Variants in EEFSEC observed in about 807,000 individuals in gnomAD.
EEFSEC encodes the protein selenocysteine-specific elongation factor.
In EEFSEC, 43 loss-of-function variants were observed where a neutral mutation model predicts 42.1. The observed-to-expected ratio is 1.02, with a 90% CI of 0.80 to 1.32. The LOEUF (loss-of-function observed/expected upper bound fraction) is 1.32. EEFSEC is among the 40% of genes most tolerant of loss of function. The pLI is 0.00. For synonymous variants in EEFSEC, 354 were observed against 339.1 expected (o/e 1.04, Z -0.48); for missense variants, 745 against 803.6 (o/e 0.93, Z 0.88).
At chr3:128,425,773 G>A in the EEFSEC span, among the ~76,000 whole-genome samples, 1 of 152,204 alleles carries the variant, frequency 6.6e-6, no homozygotes, top group Non-Finnish European at 1.5e-5. Context: ...CTGGGGACAC[G>A]CGGGACCATC....
At chr3:128,420,509 A>G in the EEFSEC span, among the ~76,000 whole-genome samples, 1 of 152,136 alleles carries the variant, frequency 6.6e-6, no homozygotes, top group Admixed American at 6.5e-5. Flanking sequence ...CTGCTCAGAC[A>G]CAGGCCTCCA....
At chr3:128,186,657 G>A (rs2107797740) in intron 1 of EEFSEC, among the ~76,000 whole-genome samples, 1 of 152,226 alleles carries the variant, frequency 6.6e-6, no homozygotes, top group South Asian at 2.1e-4. Flanking sequence ...GGTTGTCCCA[G>A]TTTTTGTTAA....
chr3:128,186,474 G>C (rs956445424), intron 1 of EEFSEC, among the ~76,000 whole-genome samples: 15 of 152,286 alleles, frequency 9.8e-5, no homozygotes, highest in Non-Finnish European at 2.1e-4. Flanking sequence ...TGCTTTTGGT[G>C]TCATATCTAA....
intron 4 of EEFSEC, among the ~76,000 whole-genome samples, chr3:128,308,090 C>T (rs1052499585): frequency 3.3e-5 from 5 of 152,266 alleles, no homozygotes; most frequent in Admixed American, 1.3e-4. Context: ...ACATGCTCTG[C>T]GCCCACAGTT....
chr3:128,385,718 C>T (rs762322852), intron 6 of EEFSEC, among the ~76,000 whole-genome samples: 3 of 152,234 alleles, frequency 2.0e-5, no homozygotes, highest in African/African-American at 4.8e-5. Context: ...GGGCCTCACC[C>T]GGACTCACGA....
At chr3:128,337,072 G>A (rs2067197755) in intron 4 of EEFSEC, 1 of 152,210 alleles carries the variant, frequency 6.6e-6, no homozygotes, top group Non-Finnish European at 1.5e-5. Flanking sequence ...TAAAAGGAAA[G>A]CCTGTTTTTC....
chr3:128,222,129 G>A (rs930771748), intron 1 of EEFSEC, among the ~76,000 whole-genome samples: 1 of 151,434 alleles, frequency 6.6e-6, no homozygotes, highest in South Asian at 2.1e-4. Context: ...CCCCTCCGGG[G>A]TTCAAGCGAT....
rs185095021 is a variant in EEFSEC at position 128,376,423 on chromosome 3, G to A, written c.1600+18050G>A. Among the ~76,000 whole-genome samples, 19 of 152,252 alleles carry A rather than the reference G, an allele frequency of 1.2e-4. 2 individuals carry two copies. The highest frequency in any genetic ancestry group is 1.1e-3 in the Admixed American group (17 of 15,302). ...TTCCCAGGGCCCCGCAGCATTCTGG[G>A]CCAGCTTCGCTTCCTGAGCCCTCTG... On this transcript the variant is annotated intron_variant, in intron 6 of 6. Transcript: ENST00000254730.
intron 5 of EEFSEC, among the ~76,000 whole-genome samples, chr3:128,348,794 T>A (rs1378483308): frequency 1.3e-5 from 2 of 152,150 alleles, no homozygotes; most frequent in South Asian, 2.1e-4. Flanking sequence ...CTGGGTCCTG[T>A]CCCCAGGAGG....
chr3:128,335,376 T>C (rs1010890342), intron 4 of EEFSEC, among the ~76,000 whole-genome samples: 3 of 151,860 alleles, frequency 2.0e-5, no homozygotes, highest in Non-Finnish European at 4.4e-5. Context: ...GTGGGGTGAC[T>C]GAGGAGGGGC....
chr3:128,324,101 C>T (rs2067037719), intron 4 of EEFSEC, among the ~76,000 whole-genome samples: 1 of 152,194 alleles, frequency 6.6e-6, no homozygotes, highest in East Asian at 1.9e-4. Flanking sequence ...ACCTTGCATA[C>T]TCTTTGGTCT....
At chr3:128,217,065 T>C (rs866563002) in intron 1 of EEFSEC, among the ~76,000 whole-genome samples, 1 of 152,216 alleles carries the variant, frequency 6.6e-6, no homozygotes, top group South Asian at 2.1e-4. Context: ...ATCCCAATTT[T>C]GGAAAATAAC....
At chr3:128,218,720 A>G (rs1334228141) in intron 1 of EEFSEC, among the ~76,000 whole-genome samples, 2 of 152,240 alleles carry the variant, frequency 1.3e-5, no homozygotes, top group African/African-American at 4.8e-5. Context: ...CTAGTAAAGA[A>G]GCTGGACAAG....
At chr3:128,168,144 T>G (rs558888112) in intron 1 of EEFSEC, among the ~76,000 whole-genome samples, 1 of 152,156 alleles carries the variant, frequency 6.6e-6, no homozygotes, top group South Asian at 2.1e-4. Context: ...CCCCAGAGCT[T>G]GGGGATGGGG....
chr3:128,287,877 A>G (rs1384328483), intron 4 of EEFSEC, among the ~76,000 whole-genome samples: 1 of 152,232 alleles, frequency 6.6e-6, no homozygotes, highest in Non-Finnish European at 1.5e-5. Flanking sequence ...GCATTCAAGC[A>G]TATTCATGTA....
chr3:128,220,627 C>A (rs2065852473), intron 1 of EEFSEC, among the ~76,000 whole-genome samples: 1 of 152,144 alleles, frequency 6.6e-6, no homozygotes, highest in Admixed American at 6.5e-5. Flanking sequence ...GATGTTATGC[C>A]CTTCTGCTCC....
chr3:128,339,544 CT>C (rs2067227376), intron 4 of EEFSEC, among the ~76,000 whole-genome samples: 1 of 152,180 alleles, frequency 6.6e-6, no homozygotes, highest in Non-Finnish European at 1.5e-5. Context: ...TTATTGGAGA[CT>C]TTTCTATGTC....
chr3:128,188,117 GA>G (rs2065483156), intron 1 of EEFSEC, among the ~76,000 whole-genome samples: 1 of 152,168 alleles, frequency 6.6e-6, no homozygotes, highest in African/African-American at 2.4e-5. Flanking sequence ...GAGAGGCCAG[GA>G]GACCATTTTG....
intron 1 of EEFSEC, among the ~76,000 whole-genome samples, chr3:128,234,403 G>A (rs566716862): frequency 6.6e-6 from 1 of 152,226 alleles, no homozygotes; most frequent in East Asian, 1.9e-4. Context: ...CAAACTTAGA[G>A]AAAGGCTCTA....
Sources: allele counts gnomAD v4.1 joint callset (sites outside exome capture counted in the v4.1 genomes callset), GRCh38; gene constraint gnomAD v4.1.1; transcripts MANE v1.5; gene names NCBI Gene and HGNC (gene_info 2026-07-23, HGNC 2026-07-21).